Variants in NXPH1 observed in about 807,000 individuals in gnomAD.
NXPH1 encodes neurexophilin 1.
In NXPH1, 5 loss-of-function variants were observed where a neutral mutation model predicts 23.7. That is an observed-to-expected ratio of 0.21 (90% CI 0.11 to 0.44). NXPH1 has a LOEUF of 0.44. Among genes scored for constraint, NXPH1 ranks in the 20% least tolerant of loss-of-function variants. The pLI is 0.99. For synonymous variants in NXPH1, 144 were observed against 122.2 expected (o/e 1.18, Z -1.18); for missense variants, 324 against 321.6 (o/e 1.01, Z -0.06).
In NXPH1 at chr7:8,751,659, A is replaced by C; in HGVS notation, c.706A>C (p.Lys236Gln). Residue 236 changes from lysine (K) to glutamine (Q), a missense_variant, in exon 3 of 3, where the codon AAG (lysine) becomes CAG (glutamine). Physicochemically the swap from Lys to Gln is moderately conservative, Grantham distance 53. Transcript: ENST00000405863. The surrounding 1 kb of genome is among the most constrained non-coding windows in gnomAD (Gnocchi z 4.5). Reference protein sequence around the residue: ...HVSWLCSKPFKVICIYISFYS... With the variant: ...HVSWLCSKPFQVICIYISFYS... ...ATCCTGGCTCTGCTCCAAGCCCTTT[A>C]AGGTGATCTGTATTTACATTTCCTT... 6.2e-7 allele frequency: 1 copy of C among 1,613,262 alleles called. No homozygotes were observed. The highest frequency in any genetic ancestry group is 8.5e-7 in the Non-Finnish European group (1 of 1,179,582).
chr7:8,505,026 A>G (rs986852788), intron 2 of NXPH1, among the ~76,000 whole-genome samples: 2 of 152,068 alleles, frequency 1.3e-5, no homozygotes, highest in Non-Finnish European at 2.9e-5. Context: ...ACAGCCCTGC[A>G]AGAGTAAGGG....
chr7:8,519,883 C>A (rs1023161284), intron 2 of NXPH1, among the ~76,000 whole-genome samples: 1 of 152,094 alleles, frequency 6.6e-6, no homozygotes, highest in Non-Finnish European at 1.5e-5. Context: ...CATGTACTTG[C>A]ATAGACATTA....
chr7:8,712,632 A>G (rs567276367), intron 2 of NXPH1, among the ~76,000 whole-genome samples: 136 of 152,338 alleles, frequency 8.9e-4, no homozygotes, highest in Non-Finnish European at 1.2e-3. Flanking sequence ...CTCTGCATCA[A>G]ATAATTACTG....
intron 2 of NXPH1, among the ~76,000 whole-genome samples, chr7:8,485,779 C>T (rs894275620): frequency 1.3e-5 from 2 of 152,226 alleles, no homozygotes; most frequent in Non-Finnish European, 1.5e-5. Flanking sequence ...GCAATAATTA[C>T]AAATTATTTT....
At chr7:8,738,395 T>C (rs1262872912) in intron 2 of NXPH1, among the ~76,000 whole-genome samples, 2 of 152,216 alleles carry the variant, frequency 1.3e-5, no homozygotes, top group African/African-American at 4.8e-5. Flanking sequence ...TGCAGGTCTG[T>C]TGGAGTTTGC....
chr7:8,608,817 T>C (rs1180084946), intron 2 of NXPH1, among the ~76,000 whole-genome samples: 1 of 152,146 alleles, frequency 6.6e-6, no homozygotes, highest in Non-Finnish European at 1.5e-5. Flanking sequence ...ATAATTTATA[T>C]AAAAATCCAA....
At chr7:8,459,966 A>T (rs1816665061) in intron 2 of NXPH1, among the ~76,000 whole-genome samples, 2 of 152,214 alleles carry the variant, frequency 1.3e-5, no homozygotes, top group South Asian at 4.1e-4. Flanking sequence ...ACAACCCCAA[A>T]GGTTTAATTG....
chr7:8,435,597 C>T lies in NXPH1; in HGVS notation c.-110-7C>T. On this transcript the variant is annotated splice_region_variant and splice_polypyrimidine_tract_variant and intron_variant, in intron 1 of 2. Coordinates refer to ENST00000405863, the MANE Select transcript of NXPH1 (RefSeq NM_152745.3). This position sits in a 1 kb window ranked among gnomAD's most constrained non-coding sequence, Gnocchi z 5.9. ...GTCATGGGATGTCTAATTTTATTTGCATCTAGGCTGCTGAGAGCGCTCCTT... is the reference window on the plus strand; with the variant it reads ...GTCATGGGATGTCTAATTTTATTTGTATCTAGGCTGCTGAGAGCGCTCCTT... The T allele has an allele frequency of 1.1e-6, 1 of 905,882 alleles. No individual in the cohort carries two copies. The highest frequency in any genetic ancestry group is 1.8e-6 in the Non-Finnish European group (1 of 540,592). 56.1% of individuals were successfully genotyped at this position (905,882 alleles called of 1,614,324 possible).
intron 2 of NXPH1, among the ~76,000 whole-genome samples, chr7:8,588,108 G>A (rs1819016623): frequency 6.6e-6 from 1 of 152,176 alleles, no homozygotes; most frequent in Admixed American, 6.5e-5. Context: ...ACAAATGCTG[G>A]AGCAGATGTG....
At chr7:8,547,773 G>T (rs2214514) in intron 2 of NXPH1, among the ~76,000 whole-genome samples, 56,274 of 151,248 alleles carry the variant, frequency 0.37, 10,682 homozygotes, top group Middle Eastern at 0.51. Flanking sequence ...GTTTCTGAGT[G>T]AGTTCACTTA....
intron 2 of NXPH1, among the ~76,000 whole-genome samples, chr7:8,610,899 G>A (rs1819602902): frequency 6.6e-6 from 1 of 151,952 alleles, no homozygotes; most frequent in Admixed American, 6.6e-5. Flanking sequence ...AAGAGGCTCA[G>A]GTGGGCATGG....
rs1037754790 is a variant in NXPH1, at chr7:8,668,072, T to G, written c.55-82936T>G. On this transcript the variant is annotated intron_variant, in intron 2 of 2. Coordinates refer to ENST00000405863, the MANE Select transcript of NXPH1 (RefSeq NM_152745.3). ...TTAGAAAAAAATTATTTTAAATTTCTAATTTGGTTGTTTATTATAGTTTTT... is the reference window on the plus strand; with the variant it reads ...TTAGAAAAAAATTATTTTAAATTTCGAATTTGGTTGTTTATTATAGTTTTT... Among the ~76,000 whole-genome samples, 3 of 68,964 alleles carry G rather than the reference T, an allele frequency of 4.4e-5. No homozygotes were observed. The South Asian group carries it at 1.9e-3, about 43-fold the overall frequency. The allele number at this position is 68,964 out of a possible 152,430, so 45.2% of individuals were successfully genotyped here.
chr7:8,474,405 G>A (rs1816932085), intron 2 of NXPH1, among the ~76,000 whole-genome samples: 2 of 152,028 alleles, frequency 1.3e-5, no homozygotes, highest in South Asian at 4.2e-4. Context: ...ATATAGAGAA[G>A]TCTAAAAATG....
intron 2 of NXPH1, among the ~76,000 whole-genome samples, chr7:8,711,660 G>C (rs1403391854): frequency 6.6e-6 from 1 of 152,144 alleles, no homozygotes; most frequent in Non-Finnish European, 1.5e-5. Context: ...GGGAGCATGA[G>C]TGTGTGCATG....
chr7:8,495,105 G>C (rs769663515), intron 2 of NXPH1, among the ~76,000 whole-genome samples: 1 of 151,990 alleles, frequency 6.6e-6, no homozygotes, highest in African/African-American at 2.4e-5. Flanking sequence ...AGGTAGATAA[G>C]TAGATAGATA....
At chr7:8,502,127 A>T (rs1584196654) in intron 2 of NXPH1, among the ~76,000 whole-genome samples, 1 of 152,022 alleles carries the variant, frequency 6.6e-6, no homozygotes, top group East Asian at 1.9e-4. Context: ...TAAGTCACTT[A>T]ACCTCTTCTA....
chr7:8,550,648 G>A (rs993516488), intron 2 of NXPH1, among the ~76,000 whole-genome samples: 9 of 151,476 alleles, frequency 5.9e-5, no homozygotes, highest in Admixed American at 1.3e-4. Flanking sequence ...GAGGAAATGG[G>A]AATTATTTTA....
At position 8,434,507 on chromosome 7, in the gene NXPH1, T is replaced by G. The variant is rs1263926803; in HGVS notation, c.-359T>G. 6.5e-6 allele frequency: 1 copy of G among 152,870 alleles called. No individual in the cohort carries two copies. The highest frequency in any genetic ancestry group is 1.5e-5 in the Non-Finnish European group (1 of 68,258). The allele number at this position is 152,870 out of a possible 1,614,324, so 9.5% of individuals were successfully genotyped here. On this transcript the variant is annotated 5_prime_UTR_variant, in exon 1 of 3. Transcript: ENST00000405863. This position sits in a 1 kb window ranked among gnomAD's most constrained non-coding sequence, Gnocchi z 7.6. ...CCCTCCCTCTCTTGCCTCTTAAGTT[T>G]CCTGCACCGTGAATCCAACTGTGCC... is the stretch of plus-strand genomic sequence containing the variant.
Position 8,624,531 on chromosome 7 carries a change from A to T in NXPH1, c.55-126477A>T, listed in dbSNP as rs1819946810. Among the ~76,000 whole-genome samples the T allele has an allele frequency of 5.3e-5, 8 of 152,110 alleles. No individual in the cohort carries two copies. The South Asian group carries it at 1.7e-3, about 32-fold the overall frequency. ...GGTGGTGGAAAGAAAAAGTGAGGAG[A>T]GCAAAGCAGACAAAGCAGGCCAAAC... On this transcript the variant is annotated intron_variant, in intron 2 of 2. Coordinates refer to ENST00000405863, the MANE Select transcript of NXPH1 (RefSeq NM_152745.3).
Sources: gnomAD v4.1 joint callset for allele counts (sites outside exome capture counted in the v4.1 genomes callset) on GRCh38, gnomAD v4.1.1 for gene constraint, Gnocchi (gnomAD v3.1) non-coding constraint, MANE v1.5 for transcripts, NCBI Gene and HGNC (gene_info 2026-07-23, HGNC 2026-07-21) for gene names.